CT45A1: variants seen among roughly 807,000 people sequenced by gnomAD.
CT45A1 encodes the protein cancer/testis antigen family 45 member A1, also known as cancer/testis antigen 45-1.
At chrX:135,710,945 G>A (rs1302277413), upstream of CT45A1, among the ~76,000 whole-genome samples, 7 of 111,889 alleles carry the variant, frequency 6.3e-5, no homozygotes, top group Non-Finnish European at 1.1e-4. Context: ...CACAGCCTAT[G>A]CATGGTACAT....
chrX:135,710,416 A>G (rs2087927993), upstream of CT45A1: 1 of 112,388 alleles, frequency 8.9e-6, no homozygotes, highest in African/African-American at 3.2e-5. Context: ...GAAAATCCAT[A>G]TCTAGACTAA....
At chrX:135,715,705 T>C (rs2087983418) in intron 1 of CT45A1, among the ~76,000 whole-genome samples, 1 of 102,172 alleles carries the variant, frequency 9.8e-6, no homozygotes, top group Admixed American at 1.2e-4. Context: ...ATATATATAA[T>C]ACTTATATAT....
chrX:135,712,570 C>G (rs1386463828), upstream of CT45A1, among the ~76,000 whole-genome samples: 2 of 110,313 alleles, frequency 1.8e-5, no homozygotes, highest in Admixed American at 9.7e-5. Context: ...GCTCTGTTAC[C>G]CAGGCTGGAG....
At chrX:135,709,074 A>G (rs1316431351), upstream of CT45A1, among the ~76,000 whole-genome samples, 1 of 111,825 alleles carries the variant, frequency 8.9e-6, no homozygotes, top group African/African-American at 3.3e-5. Context: ...CAAAACATTC[A>G]CCTAATTAAT....
upstream of CT45A1, among the ~76,000 whole-genome samples, chrX:135,709,230 G>T (rs368682829): frequency 8.9e-6 from 1 of 112,002 alleles, no homozygotes; most frequent in Non-Finnish European, 1.9e-5. Context: ...GGTTCAAGCA[G>T]TTCTCTTGCC....
At chrX:135,712,168 T>C (rs1318994026), upstream of CT45A1, among the ~76,000 whole-genome samples, 2 of 84,604 alleles carry the variant, frequency 2.4e-5, no homozygotes, top group Admixed American at 1.6e-4. Context: ...CCCTCCTTTC[T>C]TTTTTTCTTT....
At chrX:135,709,751 G>A (rs2087925227), upstream of CT45A1, among the ~76,000 whole-genome samples, 1 of 111,454 alleles carries the variant, frequency 9.0e-6, no homozygotes, top group Non-Finnish European at 1.9e-5. Flanking sequence ...TTGGAGGGTT[G>A]AAAAACTACC....
At position 135,717,743 on chromosome X, in the gene CT45A1, G is replaced by C. The variant is rs1285054605; in HGVS notation, c.-6-1192G>C. Reference sequence around the variant, plus strand: ...TTGAAATCTCATATTCTAATTATTTGTTGCTATTAATTATACAGAAATGCC... The same window carrying C: ...TTGAAATCTCATATTCTAATTATTTCTTGCTATTAATTATACAGAAATGCC... On this transcript the variant is annotated intron_variant, in intron 1 of 4. Coordinates refer to ENST00000594565, the MANE Select transcript of CT45A1 (RefSeq NM_001017417.3). Among the ~76,000 whole-genome samples the C allele has an allele frequency of 5.4e-5, 6 of 110,833 alleles. No individual in the cohort carries two copies. The Admixed American group carries it at 5.8e-4, about 11-fold the overall frequency.
chrX:135,709,001 A>G (rs1556568875), upstream of CT45A1, among the ~76,000 whole-genome samples: 1 of 111,301 alleles, frequency 9.0e-6, no homozygotes, highest in Non-Finnish European at 1.9e-5. Flanking sequence ...AGGAGATGAT[A>G]GTACATTGCT....
upstream of CT45A1, among the ~76,000 whole-genome samples, chrX:135,711,606 T>G (rs1281955614): frequency 9.0e-6 from 1 of 110,643 alleles, no homozygotes; most frequent in Admixed American, 9.7e-5. Context: ...GGCTATATTT[T>G]TAATTTTTTT....
intron 1 of CT45A1, among the ~76,000 whole-genome samples, chrX:135,717,976 T>C (rs1222942385): frequency 3.6e-5 from 4 of 112,188 alleles, no homozygotes; most frequent in African/African-American, 1.3e-4. Context: ...TGGACATCTT[T>C]GTCTTGTTTT....
intron 1 of CT45A1, among the ~76,000 whole-genome samples, chrX:135,715,956 G>T (rs1293490226): frequency 1.9e-5 from 2 of 107,477 alleles, no homozygotes; most frequent in Non-Finnish European, 3.8e-5. Context: ...GTGGTGTTTG[G>T]TTTTCTGTTC....
intron 1 of CT45A1, among the ~76,000 whole-genome samples, chrX:135,717,719 TG>T (rs2087999494): frequency 8.9e-6 from 1 of 111,910 alleles, no homozygotes; most frequent in Non-Finnish European, 1.9e-5. Flanking sequence ...TAATGACATT[TG>T]AAATCTCATA....
chrX:135,712,945 C>CTTTCTTTCTT (rs1556570075), upstream of CT45A1, among the ~76,000 whole-genome samples: 1 of 75,234 alleles, frequency 1.3e-5, no homozygotes, highest in Non-Finnish European at 2.5e-5. Context: ...TTTTTTCTTT[C>CTTTCTTTCTT]TTTCTTTCTT....
chrX:135,712,945 C>CTTTCTTTCT (rs1556570075), upstream of CT45A1, among the ~76,000 whole-genome samples: 10 of 75,232 alleles, frequency 1.3e-4, no homozygotes, highest in African/African-American at 4.7e-4. Flanking sequence ...TTTTTTCTTT[C>CTTTCTTTCT]TTTCTTTCTT....
At chrX:135,710,421 G>A (rs782399823), upstream of CT45A1, 4 of 112,263 alleles carry the variant, frequency 3.6e-5, no homozygotes, top group Admixed American at 9.5e-5. Context: ...TCCATATCTA[G>A]ACTAAATGTC....
chrX:135,718,116 A>G (rs1467719018), intron 1 of CT45A1, among the ~76,000 whole-genome samples: 1 of 111,960 alleles, frequency 8.9e-6, no homozygotes, highest in Non-Finnish European at 1.9e-5. Flanking sequence ...TCACGAATGG[A>G]CTTTAAACAT....
intron 1 of CT45A1, among the ~76,000 whole-genome samples, chrX:135,717,116 C>T (rs1289494727): frequency 1.4e-4 from 16 of 111,746 alleles, no homozygotes; most frequent in Non-Finnish European, 2.4e-4. Context: ...TTTTCCAAAT[C>T]TTTAATTTGC....
upstream of CT45A1, among the ~76,000 whole-genome samples, chrX:135,709,607 A>T (rs1556569053): frequency 8.9e-6 from 1 of 112,237 alleles, no homozygotes; most frequent in South Asian, 3.7e-4. Context: ...ACAAAATCAG[A>T]TAATCAGAAA....
Sources: gnomAD v4.1 joint callset for allele counts (sites outside exome capture counted in the v4.1 genomes callset) on GRCh38, gnomAD v4.1.1 for gene constraint, MANE v1.5 for transcripts, NCBI Gene and HGNC (gene_info 2026-07-23, HGNC 2026-07-21) for gene names.